Variants in CACNA1C observed in about 807,000 individuals in gnomAD.
CACNA1C encodes calcium voltage-gated channel subunit alpha1 C.
CACNA1C carries 30 observed loss-of-function variants against 229.0 expected under a neutral mutation model. The ratio of observed to expected loss-of-function variants is 0.13; its 90% CI spans 0.10 to 0.18. The LOEUF is 0.18. Among genes scored for constraint, CACNA1C ranks in the 10% least tolerant of loss-of-function variants. The pLI is 1.00. For synonymous variants in CACNA1C, 1,114 were observed against 1,132.5 expected, an observed-to-expected ratio of 0.98 and a Z score of 0.33; for missense variants, 1,658 against 2,845.0, an observed-to-expected ratio of 0.58 and a Z score of 9.49.
At chr12:2,032,958 G>A (rs959737673) in intron 1 of CACNA1C, among the ~76,000 whole-genome samples, 1 of 152,180 alleles carries the variant, frequency 6.6e-6, no homozygotes, top group African/African-American at 2.4e-5. Flanking sequence ...GCTTGCTTTC[G>A]AGGGGACTTC....
intron 3 of CACNA1C, among the ~76,000 whole-genome samples, chr12:2,189,602 G>C (rs1211899700): frequency 6.6e-6 from 1 of 152,192 alleles, no homozygotes; most frequent in Non-Finnish European, 1.5e-5. Flanking sequence ...TCCAGGCAGA[G>C]GGCTGCTAAC....
At chr12:2,176,862 T>C (rs2096660851) in intron 3 of CACNA1C, among the ~76,000 whole-genome samples, 1 of 152,152 alleles carries the variant, frequency 6.6e-6, no homozygotes, top group South Asian at 2.1e-4. Flanking sequence ...GTGGTGAGTC[T>C]TTTGGACCGT....
chr12:2,055,045 A>G (rs1227709891), intron 1 of CACNA1C, among the ~76,000 whole-genome samples: 2 of 152,236 alleles, frequency 1.3e-5, no homozygotes, highest in Non-Finnish European at 2.9e-5. Flanking sequence ...GCTTTCCAGC[A>G]TGGGTGGCAG....
intron 3 of CACNA1C, among the ~76,000 whole-genome samples, chr12:2,133,685 TTC>T (rs2092746846): frequency 7.7e-5 from 1 of 12,950 alleles, no homozygotes; most frequent in South Asian, 3.7e-3. Flanking sequence ...TTGTTATAAT[TTC>T]TGTTCTTTTA....
At chr12:2,019,687 G>C (rs942098027) in intron 1 of CACNA1C, among the ~76,000 whole-genome samples, 4 of 152,182 alleles carry the variant, frequency 2.6e-5, no homozygotes, top group Non-Finnish European at 5.9e-5. Flanking sequence ...AGAGGATACT[G>C]TTAACTATAG....
chr12:2,552,932 G>A (rs943351990), intron 10 of CACNA1C, among the ~76,000 whole-genome samples: 2 of 152,216 alleles, frequency 1.3e-5, no homozygotes, highest in African/African-American at 4.8e-5. Flanking sequence ...CAAGGAAGAA[G>A]TCACGGAGCA....
chr12:2,543,704 C>T (rs2099876262), intron 9 of CACNA1C, among the ~76,000 whole-genome samples: 6 of 152,142 alleles, frequency 3.9e-5, no homozygotes, highest in Admixed American at 3.9e-4. Flanking sequence ...TTATGTGAAC[C>T]ATCCAGGGAG....
chr12:1,986,208 T>C (rs770495808), intron 1 of CACNA1C, among the ~76,000 whole-genome samples: 10 of 152,216 alleles, frequency 6.6e-5, no homozygotes, highest in Non-Finnish European at 8.8e-5. Context: ...TTCTCAAAGC[T>C]GTTGTTATTT....
intron 3 of CACNA1C, among the ~76,000 whole-genome samples, chr12:2,239,373 T>G (rs1373476616): frequency 6.6e-6 from 1 of 151,612 alleles, no homozygotes; most frequent in Admixed American, 6.6e-5. Context: ...CACACAGGCT[T>G]CATCTCGTAA....
chr12:2,482,177 G>A (rs1458628743), intron 5 of CACNA1C, among the ~76,000 whole-genome samples: 1 of 152,226 alleles, frequency 6.6e-6, no homozygotes, highest in Non-Finnish European at 1.5e-5. Context: ...AGGCCGCGAG[G>A]AAAGCAGATG....
rs138778750 is a variant in CACNA1C at position 2,594,429 on chromosome 12, C to T, written c.2663+1084C>T. Among the ~76,000 whole-genome samples the T allele has an allele frequency of 3.2e-4, 48 of 152,294 alleles. 1 individual carries two copies. The highest frequency in any genetic ancestry group is 1.2e-3 in the African/African-American group (48 of 41,578). On this transcript the variant is annotated intron_variant, in intron 19 of 46. Coordinates refer to ENST00000399655, the MANE Select transcript of CACNA1C (RefSeq NM_000719.7). Reference sequence around the variant, plus strand: ...TTCTGGGAAATTTCTTCAACTGTATCTTCCAGTTTCTTAATTCTATTTTCA... The same window carrying T: ...TTCTGGGAAATTTCTTCAACTGTATTTTCCAGTTTCTTAATTCTATTTTCA...
chr12:2,515,848 G>A (rs1455845295), intron 9 of CACNA1C, among the ~76,000 whole-genome samples: 1 of 152,192 alleles, frequency 6.6e-6, no homozygotes, highest in African/African-American at 2.4e-5. Context: ...AAGTGAAGTG[G>A]CCCGTAAGTT....
chr12:2,687,197 G>A (rs758338302), intron 45 of CACNA1C, among the ~76,000 whole-genome samples: 5 of 152,236 alleles, frequency 3.3e-5, no homozygotes, highest in African/African-American at 7.2e-5. Context: ...AGGAGCCCCA[G>A]GCTGAGGACC....
rs2096136790 is a variant in CACNA1C at position 2,666,771 on chromosome 12, G to A, written c.4612G>A (p.Val1538Met). The change falls in exon 37 of 47, where the codon GTG (valine) becomes ATG (methionine). Residue 1538 changes from valine to methionine, a missense_variant. Physicochemically the swap from Val to Met is conservative, Grantham distance 21 (BLOSUM62 1). Around this residue, in one of 20 missense-constraint regions of CACNA1C, gnomAD observed 151 missense variants for 344.4 expected, o/e 0.44. Coordinates refer to ENST00000399655, the MANE Select transcript of CACNA1C (RefSeq NM_000719.7). The surrounding 1 kb of genome is among the most constrained non-coding windows in gnomAD (Gnocchi z 5.3). The stretch of plus-strand genomic sequence containing the variant: ...TTTTGGGAAGCTGTGCCCTCACCGC[G>A]TGGCTTGCAAAGTAAGAGATAACGG... ...LGFGKLCPHR[V>M]ACKRLVSMNM... is the part of the protein sequence containing the mutation. 6.3e-7 allele frequency: 1 copy of A among 1,599,368 alleles called. No individual in the cohort carries two copies. The highest frequency in any genetic ancestry group is 8.5e-7 in the Non-Finnish European group (1 of 1,172,026).
chr12:2,073,075 T>G (rs868007762), intron 1 of CACNA1C, among the ~76,000 whole-genome samples: 6 of 152,114 alleles, frequency 3.9e-5, no homozygotes, highest in Non-Finnish European at 7.4e-5. Context: ...ACACGGACCA[T>G]TGTTAAACCA....
chr12:2,160,401 C>G (rs2095796606), intron 3 of CACNA1C, among the ~76,000 whole-genome samples: 1 of 152,222 alleles, frequency 6.6e-6, no homozygotes. Context: ...GACCAAATAT[C>G]TGCCACCCTG....
chr12:2,377,668 T>C (rs1311227344), intron 3 of CACNA1C, among the ~76,000 whole-genome samples: 1 of 152,186 alleles, frequency 6.6e-6, no homozygotes, highest in Non-Finnish European at 1.5e-5. Flanking sequence ...TCCTCCAGTC[T>C]GCACTGCTCA....
intron 26 of CACNA1C, chr12:2,607,352 A>C: frequency 4.0e-6 from 2 of 502,198 alleles, no homozygotes; most frequent in South Asian, 3.7e-5. Flanking sequence ...CTCCCACCAA[A>C]AGTGACCTTT....
At chr12:2,161,583 G>A (rs2095858383) in intron 3 of CACNA1C, among the ~76,000 whole-genome samples, 1 of 152,328 alleles carries the variant, frequency 6.6e-6, no homozygotes, top group East Asian at 1.9e-4. Context: ...GGGAATGGGA[G>A]CCTCAAGCCG....
Sources: allele counts gnomAD v4.1 joint callset (sites outside exome capture counted in the v4.1 genomes callset), GRCh38; gene constraint gnomAD v4.1.1; regional missense constraint gnomAD v4.1.1; non-coding constraint Gnocchi (gnomAD v3.1); transcripts MANE v1.5; gene names NCBI Gene and HGNC (gene_info 2026-07-23, HGNC 2026-07-21).